VAPB: variants seen among roughly 807,000 people sequenced by gnomAD.
VAPB encodes the protein VAMP associated protein B and C.
Under a neutral mutation model 25.6 loss-of-function variants are expected in VAPB, and 7 were observed. That is an observed-to-expected ratio of 0.27 (90% confidence interval 0.16 to 0.51). The LOEUF (loss-of-function observed/expected upper bound fraction) is 0.51, where lower values mean the gene tolerates loss of function less well. Among genes scored for constraint, VAPB ranks in the 20% least tolerant of loss-of-function variants. The pLI is 0.97. For missense variants in VAPB, 266 were observed against 301.3 expected, an observed-to-expected ratio of 0.88 and a Z score of 0.87; for synonymous variants, 112 against 109.2, an observed-to-expected ratio of 1.03 and a Z score of -0.16.
chr20:58,402,768 T>G (rs6092643), intron 1 of VAPB, among the ~76,000 whole-genome samples: 32,372 of 151,954 alleles, frequency 0.21, 3,956 homozygotes, highest in African/African-American at 0.32. Flanking sequence ...ATTTTGGGAC[T>G]CCGAGGCAAG....
At position 58,445,530 on chromosome 20, in the gene VAPB, T is replaced by C. The variant is rs754082863; in HGVS notation, c.*1295T>C. On this transcript the variant is annotated 3_prime_UTR_variant, in exon 6 of 6. Transcript: ENST00000475243. ...TGTAGCATCTTGAAAAGAAAAATTA[T>C]AATAAAGCCCCAAAATTAAGAATTC... 35 of 454,334 alleles carry C rather than the reference T, an allele frequency of 7.7e-5. No homozygotes were observed. Among genetic ancestry groups the C allele is most frequent in the South Asian group, 1.6e-4 (10 of 64,424 alleles). 28.1% of individuals were successfully genotyped at this position (454,334 alleles called of 1,614,324 possible).
chr20:58,396,883 G>C (rs946823443), intron 1 of VAPB, among the ~76,000 whole-genome samples: 1 of 151,828 alleles, frequency 6.6e-6, no homozygotes, highest in Non-Finnish European at 1.5e-5. Context: ...TCAGTGGCTA[G>C]GTAACTTTCT....
At position 58,449,108 on chromosome 20, in the gene VAPB, G is replaced by C. The variant is rs771868597; in HGVS notation, c.*4873G>C. On this transcript the variant is annotated 3_prime_UTR_variant, in exon 6 of 6. Coordinates refer to ENST00000475243, the MANE Select transcript of VAPB (RefSeq NM_004738.5). ...TAGAAGCCCCTGATAAGGAGCGTCAGCCGACAGGCAAGCTTGGGAGGCTGT... is the reference window on the plus strand; with the variant it reads ...TAGAAGCCCCTGATAAGGAGCGTCACCCGACAGGCAAGCTTGGGAGGCTGT... 1 of 454,108 alleles carries C rather than the reference G, an allele frequency of 2.2e-6. No individual in the cohort carries two copies. Among genetic ancestry groups the C allele is most frequent in the South Asian group, 1.6e-5 (1 of 64,482 alleles). The allele number at this position is 454,108 out of a possible 1,614,324, so 28.1% of individuals were successfully genotyped here.
At chr20:58,423,460 A>AAC (rs1988719284) in intron 2 of VAPB, among the ~76,000 whole-genome samples, 1 of 149,184 alleles carries the variant, frequency 6.7e-6, no homozygotes, top group Non-Finnish European at 1.5e-5. Flanking sequence ...GAAAAGAAAA[A>AAC]TCCTCAGAGC....
Position 58,438,928 on chromosome 20 carries a change from A to C in VAPB, c.316-17A>C, listed in dbSNP as rs201335617. On this transcript the variant is annotated splice_polypyrimidine_tract_variant and intron_variant, in intron 3 of 5. Transcript: ENST00000475243. ...CAGGTTTATAATATCTTGATTATTA[A>C]ATTTAAATTGTTTTAGTGGAAGGAG... 2.1e-4 allele frequency: 330 copies of C among 1,607,108 alleles called. 2 individuals are homozygous for C. In the African/African-American group the frequency reaches 3.5e-3, roughly 17 times the overall value.
intron 1 of VAPB, among the ~76,000 whole-genome samples, chr20:58,413,004 T>C (rs907932937): frequency 6.6e-6 from 1 of 152,196 alleles, no homozygotes; most frequent in Non-Finnish European, 1.5e-5. Flanking sequence ...TGTGCTGGAT[T>C]GTGACGGTCT....
intron 2 of VAPB, among the ~76,000 whole-genome samples, chr20:58,424,993 T>C (rs575464837): frequency 6.6e-6 from 1 of 152,354 alleles, no homozygotes; most frequent in African/African-American, 2.4e-5. Flanking sequence ...TTCTGGACCC[T>C]AAAGGATATA....
intron 1 of VAPB, among the ~76,000 whole-genome samples, chr20:58,414,819 G>A (rs1176089028): frequency 4.6e-5 from 7 of 152,216 alleles, no homozygotes; most frequent in African/African-American, 1.4e-4. Context: ...TTCCCAGACG[G>A]GGTGGCGGCC....
chr20:58,411,906 C>G (rs1376969594), intron 1 of VAPB, among the ~76,000 whole-genome samples: 2 of 152,062 alleles, frequency 1.3e-5, no homozygotes, highest in Admixed American at 1.3e-4. Flanking sequence ...GTCTCGATCT[C>G]CTGACGTTGT....
At chr20:58,415,158 C>G (rs965377267) in intron 1 of VAPB, among the ~76,000 whole-genome samples, 2 of 152,258 alleles carry the variant, frequency 1.3e-5, no homozygotes, top group Non-Finnish European at 1.5e-5. Flanking sequence ...CTGTCTTACT[C>G]TTACCTCTTA....
chr20:58,397,535 C>A (rs866577409), intron 1 of VAPB, among the ~76,000 whole-genome samples: 5,861 of 143,118 alleles, frequency 0.041, 366 homozygotes, highest in African/African-American at 0.14. Context: ...AAAAAAAAAA[C>A]AAAACACATT....
intron 2 of VAPB, among the ~76,000 whole-genome samples, chr20:58,423,443 A>AAAAAAAAAAC (rs1988716585): frequency 6.9e-6 from 1 of 145,782 alleles, no homozygotes; most frequent in Non-Finnish European, 1.5e-5. Flanking sequence ...AAAAAAAAAA[A>AAAAAAAAAAC]AAAAAAGAAA....
chr20:58,399,126 C>T (rs536629188), intron 1 of VAPB, among the ~76,000 whole-genome samples: 1 of 151,854 alleles, frequency 6.6e-6, no homozygotes, highest in Non-Finnish European at 1.5e-5. Context: ...CATAGTGAAA[C>T]CCCATCTCTA....
rs747799775 is a variant in VAPB at position 58,449,518 on chromosome 20, C to T, written c.*5283C>T. ...CCGTAGAAAAGGAAGAAAAGTGTAG[C>T]AACAAAAATGTAGCCATTATCTAAC... is the stretch of plus-strand genomic sequence containing the variant. On this transcript the variant is annotated 3_prime_UTR_variant, in exon 6 of 6. Transcript: ENST00000475243. The T allele has an allele frequency of 1.0e-4, 47 of 453,638 alleles. No homozygotes were observed. The highest frequency in any genetic ancestry group is 7.6e-4 in the African/African-American group (38 of 49,944). 28.1% of individuals were successfully genotyped at this position (453,638 alleles called of 1,614,324 possible).
chr20:58,398,796 A>G (rs1988024812), intron 1 of VAPB, among the ~76,000 whole-genome samples: 1 of 151,630 alleles, frequency 6.6e-6, no homozygotes, highest in African/African-American at 2.4e-5. Context: ...CAAGTTATGA[A>G]CCTGACTGAG....
At chr20:58,400,255 A>G (rs1988064573) in intron 1 of VAPB, among the ~76,000 whole-genome samples, 1 of 151,906 alleles carries the variant, frequency 6.6e-6, no homozygotes, top group African/African-American at 2.4e-5. Context: ...TGAACTCAGT[A>G]CCTCTAGGTG....
intron 2 of VAPB, among the ~76,000 whole-genome samples, chr20:58,423,161 C>T (rs1988702856): frequency 6.6e-6 from 1 of 151,948 alleles, no homozygotes; most frequent in Non-Finnish European, 1.5e-5. Flanking sequence ...CCTGTAATCC[C>T]AGCACTTTGG....
chr20:58,407,659 TTTTG>T (rs1383622689), intron 1 of VAPB, among the ~76,000 whole-genome samples: 3 of 152,118 alleles, frequency 2.0e-5, no homozygotes, highest in East Asian at 1.9e-4. Flanking sequence ...CTCCTTTTTT[TTTTG>T]TTTTTTTTTT....
intron 1 of VAPB, among the ~76,000 whole-genome samples, chr20:58,411,578 CT>C (rs1184973435): frequency 6.6e-6 from 1 of 152,206 alleles, no homozygotes; most frequent in African/African-American, 2.4e-5. Context: ...GGCCAGACAT[CT>C]TTTCGTATGT....
Sources: gnomAD v4.1 joint callset for allele counts (sites outside exome capture counted in the v4.1 genomes callset) on GRCh38, gnomAD v4.1.1 for gene constraint, MANE v1.5 for transcripts, NCBI Gene and HGNC (gene_info 2026-07-23, HGNC 2026-07-21) for gene names.